RASEF: variants seen among roughly 807,000 people sequenced by gnomAD.
RASEF encodes the protein RAS and EF-hand domain containing.
RASEF carries 68 observed loss-of-function variants against 90.1 expected under a neutral mutation model. That is an observed-to-expected ratio of 0.75 (90% CI 0.62 to 0.92). RASEF has a LOEUF of 0.92. Ranked by LOEUF, RASEF falls within the 40% of genes least tolerant of loss-of-function variation. RASEF has a pLI of 0.00. For synonymous variants in RASEF, 331 were observed against 345.2 expected (o/e 0.96, Z 0.46); for missense variants, 949 against 937.2 (o/e 1.01, Z -0.16).
At chr9:83,122,717 T>C in the RASEF span, among the ~76,000 whole-genome samples, 4 of 152,264 alleles carry the variant, frequency 2.6e-5, no homozygotes, top group Non-Finnish European at 5.9e-5. Flanking sequence ...ATGTATTTTA[T>C]CATCTCCATT....
chr9:83,155,146 G>T, the RASEF span, among the ~76,000 whole-genome samples: 1 of 152,208 alleles, frequency 6.6e-6, no homozygotes, highest in Non-Finnish European at 1.5e-5. Context: ...AGGCAGCTGA[G>T]TCCAAGAACA....
the RASEF span, among the ~76,000 whole-genome samples, chr9:83,115,040 C>T: frequency 6.6e-6 from 1 of 152,106 alleles, no homozygotes; most frequent in East Asian, 1.9e-4. Context: ...CATGTGATGT[C>T]TCCCCCAGAC....
At chr9:83,156,360 C>T in the RASEF span, among the ~76,000 whole-genome samples, 1 of 152,176 alleles carries the variant, frequency 6.6e-6, no homozygotes, top group African/African-American at 2.4e-5. Flanking sequence ...GCACTGTTTG[C>T]TACCTGATAA....
intron 16 of RASEF, among the ~76,000 whole-genome samples, chr9:82,986,489 C>T (rs1828714531): frequency 6.6e-6 from 1 of 152,168 alleles, no homozygotes; most frequent in Non-Finnish European, 1.5e-5. Flanking sequence ...CATTATTGAA[C>T]CTGAAAGCAA....
rs1830234097 is a variant in RASEF at position 83,062,679 on chromosome 9, G to C, written c.189C>G (p.Thr63=). 6.3e-7 allele frequency: 1 copy of C among 1,575,442 alleles called. No homozygotes were observed. The highest frequency in any genetic ancestry group is 8.6e-7 in the Non-Finnish European group (1 of 1,169,308). ...GGAAGCCACGCGCGAACTCCTGGAA[G>C]GTGATGGCGCCGTCACGGTCGGCGT... ...RLDADRDGAI[T]FQEFARGFLG... The change falls in exon 1 of 17, where the codon ACC becomes ACG. Residue 63 remains threonine (T), a synonymous_variant. Coordinates refer to ENST00000376447, the MANE Select transcript of RASEF (RefSeq NM_152573.4).
chr9:83,045,333 A>C (rs1829909416), intron 1 of RASEF, among the ~76,000 whole-genome samples: 1 of 152,222 alleles, frequency 6.6e-6, no homozygotes, highest in Non-Finnish European at 1.5e-5. Context: ...GCTAGGACTG[A>C]TGAAAAGAGC....
intron 4 of RASEF, among the ~76,000 whole-genome samples, chr9:83,014,430 C>T (rs1320347162): frequency 1.3e-5 from 2 of 152,090 alleles, no homozygotes; most frequent in African/African-American, 4.8e-5. Flanking sequence ...CCTCCTGAGT[C>T]ACTGGGACTA....
chr9:83,144,391 G>GAAAGAAAGGAAAGAAA, the RASEF span, among the ~76,000 whole-genome samples: 25 of 33,224 alleles, frequency 7.5e-4, no homozygotes, highest in East Asian at 9.9e-4. Context: ...AAGAAAGAAA[G>GAAAGAAAGGAAAGAAA]GAAAGAAAGA....
At chr9:83,111,373 T>C in the RASEF span, among the ~76,000 whole-genome samples, 1 of 152,138 alleles carries the variant, frequency 6.6e-6, no homozygotes, top group Non-Finnish European at 1.5e-5. Flanking sequence ...AAGATGTTCT[T>C]CAAAGGGTAT....
chr9:83,040,473 A>T (rs1230188823), intron 1 of RASEF, among the ~76,000 whole-genome samples: 1 of 152,244 alleles, frequency 6.6e-6, no homozygotes, highest in African/African-American at 2.4e-5. Context: ...ATAACTCACC[A>T]TAGCTTCTAC....
intron 16 of RASEF, among the ~76,000 whole-genome samples, chr9:82,989,985 CA>C (rs1828780171): frequency 6.6e-6 from 1 of 152,196 alleles, no homozygotes; most frequent in Admixed American, 6.5e-5. Context: ...ATAATTCTGA[CA>C]AAGTGTTTCT....
intron 1 of RASEF, chr9:83,048,678 C>T (rs957522948): frequency 9.0e-5 from 89 of 985,286 alleles, no homozygotes; most frequent in Non-Finnish European, 1.0e-4. Context: ...TTAACATTTA[C>T]TTTTTCCATA....
At chr9:83,131,224 T>C in the RASEF span, among the ~76,000 whole-genome samples, 2 of 152,110 alleles carry the variant, frequency 1.3e-5, no homozygotes, top group East Asian at 1.9e-4. Context: ...TAAGCAATTA[T>C]AGAAAAGTTA....
chr9:83,170,614 T>C, the RASEF span, among the ~76,000 whole-genome samples: 1 of 151,898 alleles, frequency 6.6e-6, no homozygotes, highest in South Asian at 2.1e-4. Flanking sequence ...TTTATAGCTT[T>C]CATTATAGAG....
chr9:83,140,217 A>C, the RASEF span, among the ~76,000 whole-genome samples: 533 of 152,234 alleles, frequency 3.5e-3, 1 homozygote, highest in African/African-American at 0.012. Context: ...TATAATACCG[A>C]GTCATTAAAC....
chr9:83,015,767 T>G, intron 4 of RASEF, 38 bp downstream of exon 4: 2 of 1,439,950 alleles, frequency 1.4e-6, no homozygotes, highest in Middle Eastern at 1.7e-4. Context: ...CCTGAGATGC[T>G]GAGGCTGTTC....
At chr9:83,132,286 G>A in the RASEF span, among the ~76,000 whole-genome samples, 1 of 152,136 alleles carries the variant, frequency 6.6e-6, no homozygotes, top group African/African-American at 2.4e-5. Flanking sequence ...ATGCTGTGAG[G>A]AAACCCAATC....
At chr9:83,128,025 C>CTTTTTTTTTTTTTTTTTTTTTTTT in the RASEF span, among the ~76,000 whole-genome samples, 1 of 134,724 alleles carries the variant, frequency 7.4e-6, no homozygotes, top group Non-Finnish European at 1.6e-5. Context: ...TTTTTCTTTT[C>CTTTTTTTTTTTTTTTTTTTTTTTT]TTTTTTTTTT....
At chr9:83,055,202 G>A (rs1446564310) in intron 1 of RASEF, 13 of 194,148 alleles carry the variant, frequency 6.7e-5, no homozygotes, top group South Asian at 1.6e-4. Flanking sequence ...GCGAGATTCC[G>A]TGGGCGTAGG....
Sources: allele counts gnomAD v4.1 joint callset (sites outside exome capture counted in the v4.1 genomes callset), GRCh38; gene constraint gnomAD v4.1.1; transcripts MANE v1.5; gene names NCBI Gene and HGNC (gene_info 2026-07-23, HGNC 2026-07-21).